HDHD2: variants seen among roughly 807,000 people sequenced by gnomAD.
HDHD2 encodes haloacid dehalogenase like hydrolase domain containing 2.
HDHD2 carries 26 observed loss-of-function variants against 24.8 expected under a neutral mutation model. That is an observed-to-expected ratio of 1.05 (90% CI 0.77 to 1.45). HDHD2 has a LOEUF of 1.45. HDHD2 is among the 40% of genes most tolerant of loss of function. The pLI, the probability that HDHD2 is intolerant of heterozygous loss-of-function variation, is 0.00. For synonymous variants in HDHD2, 128 were observed against 114.9 expected (o/e 1.11, Z -0.73); for missense variants, 299 against 313.4 (o/e 0.95, Z 0.35).
intron 6 of HDHD2, chr18:47,111,409 T>C (rs2063515357): frequency 1.0e-6 from 1 of 975,660 alleles, no homozygotes; most frequent in African/African-American, 1.8e-5. Context: ...GAAATACTCA[T>C]GGGAATAATA....
At chr18:47,124,008 A>C (rs2063632589) in intron 4 of HDHD2, among the ~76,000 whole-genome samples, 1 of 152,272 alleles carries the variant, frequency 6.6e-6, no homozygotes, top group African/African-American at 2.4e-5. Flanking sequence ...GCAAAAGTAT[A>C]GATAAAGAAT....
intron 4 of HDHD2, among the ~76,000 whole-genome samples, chr18:47,128,481 C>T (rs2063681678): frequency 6.6e-6 from 1 of 152,218 alleles, no homozygotes; most frequent in Admixed American, 6.5e-5. Flanking sequence ...GGCATAGTCT[C>T]TCCCTCCTCA....
chr18:47,119,643 T>C (rs780097300), intron 4 of HDHD2, among the ~76,000 whole-genome samples: 3 of 152,216 alleles, frequency 2.0e-5, no homozygotes, highest in Non-Finnish European at 4.4e-5. Context: ...AAAATCAACT[T>C]CTTCCAAACT....
intron 2 of HDHD2, among the ~76,000 whole-genome samples, chr18:47,135,915 CTTTA>C (rs1212875286): frequency 6.6e-6 from 1 of 152,138 alleles, no homozygotes; most frequent in African/African-American, 2.4e-5. Context: ...TTTAGCTAAA[CTTTA>C]TTTGAGCAGT....
chr18:47,115,593 T>C (rs1568044426), intron 4 of HDHD2, among the ~76,000 whole-genome samples: 1 of 152,102 alleles, frequency 6.6e-6, no homozygotes, highest in Non-Finnish European at 1.5e-5. Flanking sequence ...TTACCTTTAG[T>C]GGTTTCAGAC....
At chr18:47,136,599 T>A in intron 1 of HDHD2, 150 bp from the exon 2 acceptor site, 1 of 548,424 alleles carries the variant, frequency 1.8e-6, no homozygotes, top group Non-Finnish European at 3.0e-6. Context: ...TTTTAAAAAT[T>A]ACAAATCCAA....
intron 4 of HDHD2, among the ~76,000 whole-genome samples, chr18:47,125,715 T>C (rs978328116): frequency 4.6e-5 from 7 of 152,198 alleles, no homozygotes; most frequent in African/African-American, 9.6e-5. Context: ...AGAGCAGTGG[T>C]TATCCTGGGG....
chr18:47,138,095 C>A (rs1373861839), intron 1 of HDHD2, among the ~76,000 whole-genome samples: 1 of 141,826 alleles, frequency 7.1e-6, no homozygotes, highest in South Asian at 2.3e-4. Context: ...TCACTTGAAC[C>A]CGGGAAGTGG....
At chr18:47,118,375 A>G (rs954085767) in intron 4 of HDHD2, among the ~76,000 whole-genome samples, 5 of 152,246 alleles carry the variant, frequency 3.3e-5, no homozygotes, top group African/African-American at 1.2e-4. Flanking sequence ...GATAGACTGG[A>G]GAAAGAAAAT....
At chr18:47,109,857 G>A (rs1432662572) in intron 6 of HDHD2, 1 of 378,198 alleles carries the variant, frequency 2.6e-6, no homozygotes, top group Non-Finnish European at 3.6e-6. Context: ...TAAGTTATTT[G>A]AGACAGGGGC....
chr18:47,133,950 T>G (rs1043782736), intron 3 of HDHD2, among the ~76,000 whole-genome samples: 13 of 152,240 alleles, frequency 8.5e-5, no homozygotes, highest in Non-Finnish European at 1.5e-4. Context: ...GATGGTAGTT[T>G]CTTTTGCTGT....
chr18:47,118,487 A>T (rs1344290581), intron 4 of HDHD2, among the ~76,000 whole-genome samples: 1 of 152,160 alleles, frequency 6.6e-6, no homozygotes, highest in Non-Finnish European at 1.5e-5. Flanking sequence ...ACCCTCAGCA[A>T]ACCAAACACT....
At chr18:47,123,211 G>A (rs2063624085) in intron 4 of HDHD2, among the ~76,000 whole-genome samples, 1 of 152,196 alleles carries the variant, frequency 6.6e-6, no homozygotes, top group Non-Finnish European at 1.5e-5. Flanking sequence ...GTAAATGGAA[G>A]AAGACTGCTG....
intron 4 of HDHD2, among the ~76,000 whole-genome samples, chr18:47,119,504 T>C (rs556057609): frequency 1.2e-4 from 18 of 152,364 alleles, no homozygotes; most frequent in Non-Finnish European, 2.1e-4. Flanking sequence ...AGTTTTATCA[T>C]GAGATCGCAG....
At chr18:47,110,135 G>T (rs7239323) in intron 6 of HDHD2, 1 of 985,124 alleles carries the variant, frequency 1.0e-6, no homozygotes, top group South Asian at 4.7e-5. Context: ...CTTTCAACAA[G>T]AGACCTACTG....
chr18:47,148,488 T>G (rs2063896385), intron 1 of HDHD2, among the ~76,000 whole-genome samples: 1 of 152,200 alleles, frequency 6.6e-6, no homozygotes, highest in Admixed American at 6.5e-5. Flanking sequence ...CATAAACCAC[T>G]GACAGTGGTA....
chr18:47,135,314 T>G (rs952873827), intron 2 of HDHD2, among the ~76,000 whole-genome samples: 1 of 147,610 alleles, frequency 6.8e-6, no homozygotes, highest in African/African-American at 2.5e-5. Context: ...CAGGCTGGAG[T>G]GCAATGGCAC....
chr18:47,139,138 T>C (rs1456698298), intron 1 of HDHD2, among the ~76,000 whole-genome samples: 13 of 151,956 alleles, frequency 8.6e-5, no homozygotes, highest in Non-Finnish European at 1.6e-4. Flanking sequence ...ATCTCTTCAT[T>C]TGGCTGTTAA....
At chr18:47,136,810 G>C (rs1267733810) in intron 1 of HDHD2, among the ~76,000 whole-genome samples, 1 of 152,190 alleles carries the variant, frequency 6.6e-6, no homozygotes, top group Non-Finnish European at 1.5e-5. Context: ...ATGGGTGGAT[G>C]AAAGGACTAA....
Sources: allele counts gnomAD v4.1 joint callset (sites outside exome capture counted in the v4.1 genomes callset), GRCh38; gene constraint gnomAD v4.1.1; transcripts MANE v1.5; gene names NCBI Gene and HGNC (gene_info 2026-07-23, HGNC 2026-07-21).